Variants in COL5A2 observed in about 807,000 individuals in gnomAD.
COL5A2 encodes collagen type V alpha 2 chain, also known as collagen alpha-2(V) chain.
A neutral mutation model predicts 208.2 loss-of-function variants in COL5A2; 23 were observed. The observed-to-expected ratio is 0.11, with a 90% CI of 0.08 to 0.16. COL5A2 has a LOEUF of 0.16. Ranked by LOEUF, COL5A2 falls within the 10% of genes least tolerant of loss-of-function variation. The pLI, the probability that COL5A2 is intolerant of heterozygous loss-of-function variation, is 1.00. For missense variants in COL5A2, 1,590 were observed against 1,956.4 expected, an observed-to-expected ratio of 0.81 and a Z score of 3.53; for synonymous variants, 625 against 628.5, an observed-to-expected ratio of 0.99 and a Z score of 0.08.
chr2:189,364,639 G>A, the COL5A2 span, among the ~76,000 whole-genome samples: 2 of 151,718 alleles, frequency 1.3e-5, no homozygotes, highest in African/African-American at 2.4e-5. Context: ...AATAGAGATT[G>A]TGCCACTGCA....
chr2:189,080,742 T>C (rs1054760516), intron 13 of COL5A2, among the ~76,000 whole-genome samples: 1 of 152,146 alleles, frequency 6.6e-6, no homozygotes, highest in African/African-American at 2.4e-5. Context: ...TTCATCACTG[T>C]ACCCTCTTTT....
the COL5A2 span, among the ~76,000 whole-genome samples, chr2:189,400,305 A>G: frequency 1.3e-5 from 2 of 152,120 alleles, no homozygotes. Context: ...TGGAACTTCA[A>G]CTACACATAT....
chr2:189,376,647 T>G, the COL5A2 span, among the ~76,000 whole-genome samples: 2 of 152,160 alleles, frequency 1.3e-5, no homozygotes, highest in Non-Finnish European at 2.9e-5. Flanking sequence ...ATAGAAAGGT[T>G]TGTACAATTT....
chr2:189,323,316 G>A, the COL5A2 span, among the ~76,000 whole-genome samples: 4 of 152,066 alleles, frequency 2.6e-5, no homozygotes, highest in African/African-American at 9.7e-5. Context: ...GGAAGTTCTG[G>A]CCAAGGCAAT....
chr2:189,268,039 A>G, the COL5A2 span, among the ~76,000 whole-genome samples: 2 of 152,176 alleles, frequency 1.3e-5, no homozygotes, highest in African/African-American at 4.8e-5. Context: ...CCCTATCCCA[A>G]AGTGGCATTA....
chr2:189,301,331 T>C, the COL5A2 span, among the ~76,000 whole-genome samples: 2 of 152,180 alleles, frequency 1.3e-5, no homozygotes, highest in African/African-American at 4.8e-5. Context: ...TCTGATACCC[T>C]ACCCAATTCA....
chr2:189,160,642 G>A (rs2105801674), intron 1 of COL5A2, among the ~76,000 whole-genome samples: 1 of 152,124 alleles, frequency 6.6e-6, no homozygotes, highest in African/African-American at 2.4e-5. Flanking sequence ...TACTACTGAA[G>A]ACTGAGTTTA....
chr2:189,433,494 G>A, the COL5A2 span, among the ~76,000 whole-genome samples: 1 of 152,138 alleles, frequency 6.6e-6, no homozygotes, highest in African/African-American at 2.4e-5. Context: ...AAATGATAAA[G>A]GGGATGTCAC....
At chr2:189,061,950 TA>T (rs1293508873) in intron 29 of COL5A2, among the ~76,000 whole-genome samples, 2 of 152,150 alleles carry the variant, frequency 1.3e-5, no homozygotes. Flanking sequence ...AAAAACATAA[TA>T]TTTTTATTAT....
the COL5A2 span, among the ~76,000 whole-genome samples, chr2:189,380,798 C>G: frequency 6.6e-6 from 1 of 152,002 alleles, no homozygotes; most frequent in South Asian, 2.1e-4. Context: ...CTACAAAATT[C>G]TTCTTGGAAT....
At chr2:189,369,952 A>G in the COL5A2 span, among the ~76,000 whole-genome samples, 2 of 152,224 alleles carry the variant, frequency 1.3e-5, no homozygotes, top group Non-Finnish European at 2.9e-5. Flanking sequence ...CTTTACCCAT[A>G]AATTTATTGG....
chr2:189,250,031 T>C, the COL5A2 span, among the ~76,000 whole-genome samples: 4 of 152,168 alleles, frequency 2.6e-5, no homozygotes, highest in African/African-American at 9.7e-5. Context: ...ATGAGTATGG[T>C]TGTAAATGAA....
At chr2:189,228,883 C>T (rs1689448612), upstream of COL5A2, among the ~76,000 whole-genome samples, 1 of 151,638 alleles carries the variant, frequency 6.6e-6, no homozygotes, top group South Asian at 2.1e-4. Context: ...AGTTAATATC[C>T]CTGATGATTT....
chr2:189,432,496 G>A, the COL5A2 span, among the ~76,000 whole-genome samples: 1 of 152,046 alleles, frequency 6.6e-6, no homozygotes, highest in African/African-American at 2.4e-5. Flanking sequence ...GACCTACCAA[G>A]CAAATGGAAA....
At chr2:189,179,993 CTCTTT>C (rs987529390), upstream of COL5A2, 7 of 423,798 alleles carry the variant, frequency 1.7e-5, no homozygotes, top group Admixed American at 7.8e-5. Context: ...ACATTTGTTT[CTCTTT>C]TCTTTTATTT....
chr2:189,170,122 G>T (rs1234321421), intron 1 of COL5A2, among the ~76,000 whole-genome samples: 4 of 152,112 alleles, frequency 2.6e-5, no homozygotes, highest in Non-Finnish European at 4.4e-5. Context: ...TAGATAGATA[G>T]TATTCATCAT....
At chr2:189,054,097 G>T in intron 36 of COL5A2, 62 bp downstream of exon 36, 1 of 1,489,746 alleles carries the variant, frequency 6.7e-7, no homozygotes, top group South Asian at 1.1e-5. Context: ...AAAGATTTAT[G>T]AAAGAGCCTG....
chr2:189,127,743 C>G (rs1687634917), intron 1 of COL5A2, among the ~76,000 whole-genome samples: 1 of 151,938 alleles, frequency 6.6e-6, no homozygotes, highest in Admixed American at 6.6e-5. Flanking sequence ...ATTTCTCTTG[C>G]CTGATTCAAA....
rs555167356 is a variant in COL5A2, at chr2:189,079,989, G to A, written c.949C>T (p.Pro317Ser). ...LEGPKGEVGA[P>S]GSKGEAGPTG... is the part of the protein sequence containing the mutation. ...AATTATAAGATTACCTTGGAACCAG[G>A]TGCTCCAACTTCACCTTTAGGGCCT... Residue 317 changes from proline (P) to serine (S), a missense_variant, in exon 14 of 54, where the codon CCT becomes TCT. Transcript: ENST00000374866. 3 of 1,612,414 alleles carry A rather than the reference G, an allele frequency of 1.9e-6. No homozygotes were observed. In the African/African-American group the frequency reaches 4.0e-5, roughly 22 times the overall value.
Sources: allele counts gnomAD v4.1 joint callset (sites outside exome capture counted in the v4.1 genomes callset), GRCh38; gene constraint gnomAD v4.1.1; transcripts MANE v1.5; gene names NCBI Gene and HGNC (gene_info 2026-07-23, HGNC 2026-07-21).